PUDP: variants seen among roughly 807,000 people sequenced by gnomAD.
The protein encoded by PUDP is pseudouridine-5'-phosphatase.
In PUDP, 8 loss-of-function variants were observed where a neutral mutation model predicts 9.4. The ratio of observed to expected loss-of-function variants is 0.85; its 90% CI spans 0.50 to 1.53. The LOEUF is 1.53. Ranked by LOEUF, PUDP falls within the 40% of genes most tolerant of loss-of-function variation. PUDP has a pLI of 0.00. For synonymous variants in PUDP, 99 were observed against 80.7 expected (o/e 1.23, Z -1.22); for missense variants, 188 against 189.7 (o/e 0.99, Z 0.05).
chrX:6,904,749 T>C (rs1030777492), intron 3 of PUDP, among the ~76,000 whole-genome samples: 4 of 112,114 alleles, frequency 3.6e-5, no homozygotes, highest in African/African-American at 1.3e-4. Context: ...ACTGTCCAAC[T>C]GGGGCTCCCC....
At chrX:6,963,412 G>A (rs779286966) in intron 3 of PUDP, among the ~76,000 whole-genome samples, 1 of 111,336 alleles carries the variant, frequency 9.0e-6, no homozygotes, top group Non-Finnish European at 1.9e-5. Flanking sequence ...TGTCTATACT[G>A]TCTGAATGCC....
intron 2 of PUDP, among the ~76,000 whole-genome samples, chrX:7,084,159 T>C (rs1334165640): frequency 9.0e-6 from 1 of 111,276 alleles, no homozygotes; most frequent in Admixed American, 9.6e-5. Context: ...CTGGAAACTT[T>C]ACCAGGCTTC....
chrX:6,908,106 A>T (rs1927795482), intron 3 of PUDP, among the ~76,000 whole-genome samples: 1 of 112,483 alleles, frequency 8.9e-6, no homozygotes, highest in African/African-American at 3.2e-5. Flanking sequence ...AGTACAATAC[A>T]ACCATAGCAT....
intron 2 of PUDP, among the ~76,000 whole-genome samples, chrX:7,082,641 T>G (rs1250044459): frequency 8.9e-6 from 1 of 112,453 alleles, no homozygotes; most frequent in Non-Finnish European, 1.9e-5. Flanking sequence ...AGCTGATGGA[T>G]GCCACCTGGC....
chrX:6,741,308 C>T lies in PUDP; in HGVS notation c.*248-34842G>A, dbSNP rs368156353. Among the ~76,000 whole-genome samples the T allele has an allele frequency of 2.4e-4, 27 of 111,856 alleles. 1 individual carries two copies. The South Asian group carries it at 5.5e-3, about 23-fold the overall frequency. ...ATGTGACTTCAAACGTGTTAGTTTA[C>T]ATTCCCACAATGGATTCACACATGC... On this transcript the variant is annotated intron_variant and NMD_transcript_variant, in intron 3 of 3. Coordinates refer to the PUDP transcript ENST00000655425.
At chrX:7,057,833 G>C in intron 3 of PUDP, 1 of 1,119,161 alleles carries the variant, frequency 8.9e-7, no homozygotes, top group Non-Finnish European at 1.2e-6. Context: ...TCTAGGTACA[G>C]TTTGGGCAGG....
rs1428017013 is a variant in PUDP at position 7,019,784 on chromosome X, G to T, written c.205-41441C>A. 6.3e-5 allele frequency among the ~76,000 whole-genome samples: 7 copies of T among 111,361 alleles called. No individual in the cohort carries two copies. The East Asian group carries it at 2.0e-3, about 32-fold the overall frequency. ...TTAGTCACCCTACGATGCTCCCTGT[G>T]TGCAGGATAGTATATTTGTTTGATT... is the stretch of plus-strand genomic sequence containing the variant. On this transcript the variant is annotated intron_variant and NMD_transcript_variant, in intron 1 of 3. Transcript: ENST00000655425.
intron 3 of PUDP, among the ~76,000 whole-genome samples, chrX:6,753,841 ATTTG>A (rs1925137491): frequency 9.1e-6 from 1 of 109,824 alleles, no homozygotes; most frequent in African/African-American, 3.3e-5. Flanking sequence ...TTCCTTGTTG[ATTTG>A]TTTGAGTTCA....
chrX:6,752,592 G>C (rs183241081), intron 3 of PUDP, among the ~76,000 whole-genome samples: 4 of 111,907 alleles, frequency 3.6e-5, no homozygotes, highest in Admixed American at 2.9e-4. Flanking sequence ...CACTAAGGCT[G>C]TGGCAGTACA....
At chrX:7,042,989 C>A (rs1171291476) in intron 1 of PUDP, among the ~76,000 whole-genome samples, 1 of 111,787 alleles carries the variant, frequency 8.9e-6, no homozygotes, top group Non-Finnish European at 1.9e-5. Flanking sequence ...ATTTGCGATG[C>A]CTGGCAGAGG....
chrX:6,747,312 C>A (rs1040769079), intron 3 of PUDP, among the ~76,000 whole-genome samples: 1 of 111,899 alleles, frequency 8.9e-6, no homozygotes, highest in Non-Finnish European at 1.9e-5. Context: ...TGGTTTTTCA[C>A]CCTTATTCTC....
intron 1 of PUDP, among the ~76,000 whole-genome samples, chrX:7,127,021 G>C (rs1932503404): frequency 9.0e-6 from 1 of 111,446 alleles, no homozygotes; most frequent in South Asian, 3.8e-4. Flanking sequence ...TTTCTCAAAA[G>C]AACCAAAAAG....
At chrX:6,858,404 A>C (rs1926945775) in intron 3 of PUDP, among the ~76,000 whole-genome samples, 1 of 100,579 alleles carries the variant, frequency 9.9e-6, no homozygotes, top group Non-Finnish European at 2.0e-5. Context: ...ATGATGGCTC[A>C]CCACAGCCTC....
chrX:7,087,463 T>TA (rs1485997178), intron 2 of PUDP, among the ~76,000 whole-genome samples: 6 of 111,843 alleles, frequency 5.4e-5, no homozygotes, highest in African/African-American at 9.8e-5. Context: ...TCTGCTGCTT[T>TA]AAGCCACGGA....
At chrX:6,863,732 G>A (rs1009624633) in intron 3 of PUDP, among the ~76,000 whole-genome samples, 7 of 111,746 alleles carry the variant, frequency 6.3e-5, no homozygotes, top group Admixed American at 9.5e-5. Flanking sequence ...ATTGGCATAC[G>A]GTCTACGGTT....
intron 1 of PUDP, among the ~76,000 whole-genome samples, chrX:7,147,689 G>A (rs1224901578): frequency 8.9e-6 from 1 of 112,093 alleles, no homozygotes; most frequent in Non-Finnish European, 1.9e-5. Flanking sequence ...CGAAAAGAGA[G>A]CGCGGAGGTC....
At chrX:7,028,856 T>C (rs1251750968) in intron 1 of PUDP, among the ~76,000 whole-genome samples, 2 of 111,754 alleles carry the variant, frequency 1.8e-5, no homozygotes, top group African/African-American at 3.3e-5. Context: ...AGACAAGGTG[T>C]GAGCGGGGCT....
intron 3 of PUDP, among the ~76,000 whole-genome samples, chrX:6,750,783 T>A (rs749213501): frequency 8.9e-6 from 1 of 111,773 alleles, no homozygotes; most frequent in East Asian, 2.8e-4. Context: ...ACCTGAAGGA[T>A]ATACAAAGAT....
chrX:7,074,842 G>C (rs1395916674), intron 3 of PUDP, among the ~76,000 whole-genome samples: 1 of 112,413 alleles, frequency 8.9e-6, no homozygotes, highest in Non-Finnish European at 1.9e-5. Flanking sequence ...ACTGGGAGCT[G>C]TTCCAGCCGC....
Sources: gnomAD v4.1 joint callset for allele counts (sites outside exome capture counted in the v4.1 genomes callset) on GRCh38, gnomAD v4.1.1 for gene constraint, MANE v1.5 for transcripts, NCBI Gene and HGNC (gene_info 2026-07-23, HGNC 2026-07-21) for gene names.